STK32B: variants seen among roughly 807,000 people sequenced by gnomAD.
STK32B encodes the protein serine/threonine-protein kinase 32B.
A neutral mutation model predicts 52.6 loss-of-function variants in STK32B; 43 were observed. The observed-to-expected ratio is 0.82, with a 90% CI of 0.64 to 1.05. The LOEUF is 1.05. Among genes scored for constraint, STK32B ranks in the 50% least tolerant of loss-of-function variants. The probability of loss-of-function intolerance (pLI) is 0.00; values close to 1 mark genes in which losing one functional copy is unlikely to be tolerated. For missense variants in STK32B, 621 were observed against 534.6 expected (o/e 1.16, Z -1.59); for synonymous variants, 238 against 204.3 (o/e 1.17, Z -1.41).
At position 5,125,569 on chromosome 4, in the gene STK32B, T is replaced by C. The variant is rs1715315838; in HGVS notation, c.53-14336T>C. On this transcript the variant is annotated intron_variant, in intron 1 of 11. Coordinates refer to ENST00000282908, the MANE Select transcript of STK32B (RefSeq NM_018401.3). ...GCCTGAGGCCAGCGATGCAGGGAGATGCCCAGCAGGCTGAGCCTGCTGCTG... is the reference window on the plus strand; with the variant it reads ...GCCTGAGGCCAGCGATGCAGGGAGACGCCCAGCAGGCTGAGCCTGCTGCTG... Among the ~76,000 whole-genome samples the C allele has an allele frequency of 4.6e-5, 7 of 152,182 alleles. No homozygotes were observed. In the South Asian group the frequency reaches 1.4e-3, roughly 32 times the overall value.
At chr4:5,303,705 T>C (rs1390593913) in intron 3 of STK32B, among the ~76,000 whole-genome samples, 3 of 152,142 alleles carry the variant, frequency 2.0e-5, no homozygotes, top group African/African-American at 7.2e-5. Context: ...CATCTATTTA[T>C]CTCTATTTTG....
chr4:5,289,801 C>A (rs968121122), intron 3 of STK32B, among the ~76,000 whole-genome samples: 1 of 150,562 alleles, frequency 6.6e-6, no homozygotes, highest in African/African-American at 2.5e-5. Flanking sequence ...CCTCGGCCCC[C>A]CAAAGTGCTG....
intron 6 of STK32B, among the ~76,000 whole-genome samples, chr4:5,446,437 G>A (rs1015150061): frequency 2.0e-5 from 3 of 151,968 alleles, no homozygotes; most frequent in Non-Finnish European, 2.9e-5. Context: ...ATGGTGGCAG[G>A]TGCCTGTAAT....
intron 1 of STK32B, among the ~76,000 whole-genome samples, chr4:5,116,883 G>A (rs1265652642): frequency 1.3e-5 from 2 of 152,160 alleles, no homozygotes; most frequent in Non-Finnish European, 2.9e-5. Flanking sequence ...CTATTCCGAA[G>A]TATTTTATTA....
intron 6 of STK32B, among the ~76,000 whole-genome samples, chr4:5,439,798 A>G (rs1031311899): frequency 2.0e-5 from 3 of 151,842 alleles, no homozygotes; most frequent in East Asian, 3.9e-4. Context: ...TAAGGAAGGG[A>G]TCCAGTTTCA....
At chr4:5,357,882 A>G (rs981312241) in intron 4 of STK32B, among the ~76,000 whole-genome samples, 4 of 152,152 alleles carry the variant, frequency 2.6e-5, no homozygotes. Context: ...TCATCTGGTT[A>G]AAGAACGACT....
rs116162004 is a variant in STK32B at position 5,106,722 on chromosome 4, A to G, written c.53-33183A>G. ...GTTTCATTGTCTCTTTTAATCTATA[A>G]TAGTTGTCTCTCTTTAAATATTGCT... On this transcript the variant is annotated intron_variant, in intron 1 of 11. Coordinates refer to ENST00000282908, the MANE Select transcript of STK32B (RefSeq NM_018401.3). Among the ~76,000 whole-genome samples, 1,041 of 152,226 alleles carry G rather than the reference A, an allele frequency of 6.8e-3. 12 individuals are homozygous for G. Among genetic ancestry groups the G allele is most frequent in the African/African-American group, 0.024 (1,001 of 41,530 alleles).
intron 4 of STK32B, among the ~76,000 whole-genome samples, chr4:5,370,863 C>A (rs1244536499): frequency 6.6e-6 from 1 of 151,842 alleles, no homozygotes; most frequent in Non-Finnish European, 1.5e-5. Context: ...GTCCCAGCTA[C>A]TCAGGAGGCT....
intron 3 of STK32B, among the ~76,000 whole-genome samples, chr4:5,264,852 A>T (rs2108849338): frequency 6.6e-6 from 1 of 152,242 alleles, no homozygotes; most frequent in East Asian, 1.9e-4. Flanking sequence ...GTTCTTTGTC[A>T]TGAATGTATT....
At chr4:5,062,138 A>T (rs1305055823) in intron 1 of STK32B, among the ~76,000 whole-genome samples, 1 of 152,074 alleles carries the variant, frequency 6.6e-6, no homozygotes, top group Non-Finnish European at 1.5e-5. Flanking sequence ...GCTCTCCCTA[A>T]TCCCCATGCT....
At chr4:5,052,033 C>T (rs1481535186) in intron 1 of STK32B, 118 bp downstream of exon 1, 2 of 1,445,322 alleles carry the variant, frequency 1.4e-6, no homozygotes, top group African/African-American at 2.9e-5. Flanking sequence ...GGCATGGCCA[C>T]TTCGCCCAGC....
upstream of STK32B, among the ~76,000 whole-genome samples, chr4:5,047,142 G>C (rs947703616): frequency 6.6e-6 from 1 of 152,138 alleles, no homozygotes; most frequent in East Asian, 1.9e-4. Context: ...TATACACCAC[G>C]GAATGCTATG....
At chr4:5,390,009 C>A (rs1736501218) in intron 4 of STK32B, among the ~76,000 whole-genome samples, 1 of 152,216 alleles carries the variant, frequency 6.6e-6, no homozygotes, top group African/African-American at 2.4e-5. Flanking sequence ...CCTACAAAGG[C>A]AAAGAACAGA....
At position 5,367,569 on chromosome 4, in the gene STK32B, A is replaced by G. The variant is rs541631639; in HGVS notation, c.435-30638A>G. Among the ~76,000 whole-genome samples the G allele has an allele frequency of 1.1e-3, 172 of 152,298 alleles. 1 individual carries two copies. The highest frequency in any genetic ancestry group is 4.0e-3 in the African/African-American group (167 of 41,570). ...AAGGCCAGCAGACTCAACTGCCTCA[A>G]TGCTAAAGCTCCCTCTGGCTTGTTG... On this transcript the variant is annotated intron_variant, in intron 4 of 11. Transcript: ENST00000282908.
intron 2 of STK32B, among the ~76,000 whole-genome samples, chr4:5,153,724 TAC>T (rs1717563742): frequency 6.6e-6 from 1 of 152,304 alleles, no homozygotes; most frequent in Non-Finnish European, 1.5e-5. Flanking sequence ...CATACAGATT[TAC>T]TATGAATAAA....
chr4:5,130,173 G>GGGT (rs1399789076), intron 1 of STK32B, among the ~76,000 whole-genome samples: 3 of 120,940 alleles, frequency 2.5e-5, no homozygotes, highest in African/African-American at 8.6e-5. Context: ...TTCTCCGGCG[G>GGGT]GGGGAGGCCT....
chr4:5,465,690 G>C (rs1056582193), intron 9 of STK32B, among the ~76,000 whole-genome samples: 1 of 152,178 alleles, frequency 6.6e-6, no homozygotes, highest in Non-Finnish European at 1.5e-5. Context: ...AACTGAGGCA[G>C]AGAGAGGTTA....
intron 2 of STK32B, among the ~76,000 whole-genome samples, chr4:5,151,740 G>A (rs1209004964): frequency 6.6e-6 from 1 of 152,154 alleles, no homozygotes; most frequent in African/African-American, 2.4e-5. Flanking sequence ...GTTAGTGGTG[G>A]ATACCTAGGA....
chr4:5,252,009 TAAG>T (rs1196357673), intron 3 of STK32B, among the ~76,000 whole-genome samples: 1 of 152,190 alleles, frequency 6.6e-6, no homozygotes, highest in Non-Finnish European at 1.5e-5. Context: ...AGGATTATGT[TAAG>T]AAGTTCATAT....
Sources: gnomAD v4.1 joint callset for allele counts (sites outside exome capture counted in the v4.1 genomes callset) on GRCh38, gnomAD v4.1.1 for gene constraint, MANE v1.5 for transcripts, NCBI Gene and HGNC (gene_info 2026-07-23, HGNC 2026-07-21) for gene names.